ADGRE5: variants seen among roughly 807,000 people sequenced by gnomAD.
The protein encoded by ADGRE5 is CD97 molecule.
Under a neutral mutation model 100.3 loss-of-function variants are expected in ADGRE5, and 72 were observed. The observed-to-expected ratio is 0.72, with a 90% CI of 0.59 to 0.87. ADGRE5 has a LOEUF of 0.87. Among genes scored for constraint, ADGRE5 ranks in the 40% least tolerant of loss-of-function variants. The pLI is 0.00. For synonymous variants in ADGRE5, 439 were observed against 447.8 expected (o/e 0.98, Z 0.25); for missense variants, 959 against 1,094.7 (o/e 0.88, Z 1.75).
At chr19:14,382,842 G>C (rs950682989) in intron 1 of ADGRE5, among the ~76,000 whole-genome samples, 1 of 151,256 alleles carries the variant, frequency 6.6e-6, no homozygotes, top group Non-Finnish European at 1.5e-5. Context: ...CATCCACCCC[G>C]AGTAGCTGGG....
Position 14,407,255 on chromosome 19 carries a change from C to A in ADGRE5, c.2376+26C>A, listed in dbSNP as rs369349812. On this transcript the variant is annotated intron_variant, in intron 18 of 19. Coordinates refer to ENST00000242786, the MANE Select transcript of ADGRE5 (RefSeq NM_078481.4). ...GTGGGGGCCTGGGCACAGTGGCGCA[C>A]GCCTGTCATCCTCCCACCTATTTGG... 39 of 1,612,430 alleles carry A rather than the reference C, an allele frequency of 2.4e-5. No individual in the cohort carries two copies. In the South Asian group the frequency reaches 4.3e-4, roughly 18 times the overall value.
At chr19:14,389,840 G>A (rs148476326) in intron 3 of ADGRE5, among the ~76,000 whole-genome samples, 1,523 of 152,090 alleles carry the variant, frequency 0.01, 29 homozygotes, top group African/African-American at 0.035. Context: ...AGGCCAAGGC[G>A]GGCGGATCAC....
At chr19:14,390,579 C>T (rs576614319) in intron 3 of ADGRE5, among the ~76,000 whole-genome samples, 3 of 152,240 alleles carry the variant, frequency 2.0e-5, no homozygotes, top group East Asian at 3.9e-4. Flanking sequence ...CTGCCTCAGC[C>T]TCCCAAAATG....
chr19:14,386,693 C>CAAA (rs1172800346), intron 1 of ADGRE5, among the ~76,000 whole-genome samples: 3 of 56,534 alleles, frequency 5.3e-5, no homozygotes, highest in African/African-American at 2.1e-4. Context: ...GACTCCGTCT[C>CAAA]AAAAAAAAAA....
chr19:14,406,298 A>T lies in ADGRE5; in HGVS notation c.1822-33A>T. 6.7e-7 allele frequency: 1 copy of T among 1,496,910 alleles called. No homozygotes were observed. The allele number at this position is 1,496,910 out of a possible 1,614,324, so 92.7% of individuals were successfully genotyped here. On this transcript the variant is annotated intron_variant, in intron 14 of 19. Transcript: ENST00000242786. The surrounding 1 kb of genome is among the most constrained non-coding windows in gnomAD (Gnocchi z 6.0). ...GCGCCGCATGCCCCTCCCCGCGCTG[A>T]CGTCGCTCCGCCCCTCCGTCCCCGC...
intron 13 of ADGRE5, 177 bp downstream of exon 13, chr19:14,404,739 C>A: frequency 1.7e-6 from 1 of 585,514 alleles, no homozygotes; most frequent in Non-Finnish European, 2.9e-6. Flanking sequence ...CTCTTCTCTA[C>A]AACCCAGCAA....
Position 14,408,005 on chromosome 19 carries a change from C to G in ADGRE5, c.2474C>G (p.Thr825Ser). The G allele has an allele frequency of 6.2e-7, 1 of 1,614,168 alleles. No homozygotes were observed. Among genetic ancestry groups the G allele is most frequent in the Non-Finnish European group, 8.5e-7 (1 of 1,180,022 alleles). ...ACGTCTGGCACTGGCCACAATCAGA[C>G]CCGGGTAAGGGGCTGCGCCTGGGGC... The part of the protein sequence containing the change: ...STTSGTGHNQ[T>S]RALRASESGI The change falls in exon 19 of 20, where the codon ACC (threonine) becomes AGC (serine). Residue 825 changes from threonine to serine, a missense_variant. Coordinates refer to ENST00000242786, the MANE Select transcript of ADGRE5 (RefSeq NM_078481.4).
intron 6 of ADGRE5, 103 bp downstream of exon 6, chr19:14,397,326 G>A (rs540069379): frequency 1.7e-5 from 26 of 1,560,786 alleles, no homozygotes; most frequent in Middle Eastern, 3.4e-4. Flanking sequence ...GAGGCACCTG[G>A]CTGTGCCAGG....
At position 14,406,508 on chromosome 19, in the gene ADGRE5, G is replaced by A; in HGVS notation, c.1999G>A (p.Val667Met). 1 of 1,567,380 alleles carries A rather than the reference G, an allele frequency of 6.4e-7. No homozygotes were observed. Among genetic ancestry groups the A allele is most frequent in the South Asian group, 1.2e-5 (1 of 86,830 alleles). ...CGGCTATGGCGTGCCCCTGCTCATCGTGGGCGTCTCGGCTGCCATCTACAG... is the reference window on the plus strand; with the variant it reads ...CGGCTATGGCGTGCCCCTGCTCATCATGGGCGTCTCGGCTGCCATCTACAG... Reference protein sequence around the residue: ...LIGYGVPLLIVGVSAAIYSKG... With the variant: ...LIGYGVPLLIMGVSAAIYSKG... The change falls in exon 15 of 20, where the codon GTG (valine) becomes ATG (methionine). Residue 667 changes from valine (V) to methionine (M), a missense_variant. Physicochemically the swap from Val to Met is conservative, Grantham distance 21 (BLOSUM62 1). Coordinates refer to ENST00000242786, the MANE Select transcript of ADGRE5 (RefSeq NM_078481.4). This position sits in a 1 kb window ranked among gnomAD's most constrained non-coding sequence, Gnocchi z 6.0.
intron 1 of ADGRE5, among the ~76,000 whole-genome samples, chr19:14,383,661 A>G (rs9917042): frequency 0.29 from 43,299 of 151,716 alleles, 6,802 homozygotes; most frequent in East Asian, 0.54. Flanking sequence ...GAAACTGACT[A>G]CTTAGGGCTC....
At chr19:14,396,516 G>A in intron 5 of ADGRE5, 43 bp downstream of exon 5, 1 of 1,612,766 alleles carries the variant, frequency 6.2e-7, no homozygotes, top group Non-Finnish European at 8.5e-7. Context: ...ACGGGAGCTG[G>A]GGATGGAGCT....
In ADGRE5 at chr19:14,404,649, A is replaced by G. The variant is rs1310520161; in HGVS notation, c.1629+87A>G. 4 of 1,334,946 alleles carry G rather than the reference A, an allele frequency of 3.0e-6. No individual in the cohort carries two copies. In the African/African-American group the frequency reaches 5.9e-5, roughly 20 times the overall value. 82.7% of individuals were successfully genotyped at this position (1,334,946 alleles called of 1,614,324 possible). A position where few individuals can be genotyped will look rare whatever the true frequency, so the allele number is the denominator to read the frequency against. Reference sequence around the variant, plus strand: ...GGCAGCTAGTTCTCCATGGAGCCCTACTGGTTGCTCAGATATATCTGCATG... The same window carrying G: ...GGCAGCTAGTTCTCCATGGAGCCCTGCTGGTTGCTCAGATATATCTGCATG... On this transcript the variant is annotated intron_variant, in intron 13 of 19. Coordinates refer to ENST00000242786, the MANE Select transcript of ADGRE5 (RefSeq NM_078481.4).
chr19:14,382,050 G>C (rs1483173450), intron 1 of ADGRE5, among the ~76,000 whole-genome samples: 1 of 152,154 alleles, frequency 6.6e-6, no homozygotes, highest in African/African-American at 2.4e-5. Flanking sequence ...CCTGGCTGGG[G>C]CTCAGCTGCG....
At position 14,402,794 on chromosome 19, in the gene ADGRE5, C is replaced by A. The variant is rs770768759; in HGVS notation, c.1381C>A (p.Pro461Thr). The A allele has an allele frequency of 6.2e-7, 1 of 1,614,102 alleles. No homozygotes were observed. The highest frequency in any genetic ancestry group is 1.1e-5 in the South Asian group (1 of 91,074). Residue 461 changes from proline (P) to threonine (T), a missense_variant, in exon 12 of 20, where the codon CCC (proline) becomes ACC (threonine). Physicochemically the swap from Pro to Thr is conservative, Grantham distance 38 (BLOSUM62 -1). This residue lies in a region of ADGRE5 where 246 missense variants were observed against 242.2 expected (regional missense o/e 1.02). Transcript: ENST00000242786. ...CAACAACACCAAGGAACTCAACTCC[C>A]CCATCCTTTTCGCCTTCTCCCACCT... ...SHNNTKELNS[P>T]ILFAFSHLES...
At chr19:14,395,680 A>G (rs773508263) in intron 4 of ADGRE5, among the ~76,000 whole-genome samples, 4 of 152,192 alleles carry the variant, frequency 2.6e-5, no homozygotes, top group Non-Finnish European at 5.9e-5. Context: ...ATCAGAAAAA[A>G]GCATCTTTGT....
Position 14,407,186 on chromosome 19 carries a change from A to C in ADGRE5, c.2333A>C (p.Gln778Pro), listed in dbSNP as rs769883900. Residue 778 changes from glutamine to proline, a missense_variant, in exon 18 of 20, where the codon CAG becomes CCG. This residue lies in a region of ADGRE5 where 428 missense variants were observed against 386.2 expected (regional missense o/e 1.11). Transcript: ENST00000242786. ...GTGTTTACCATCCTCAACTGCCTGC[A>C]GGGCGCCTTCCTCTACCTGCTGCAC... is the stretch of plus-strand genomic sequence containing the variant. ...TYVFTILNCL[Q>P]GAFLYLLHCL... 2 of 1,613,974 alleles carry C rather than the reference A, an allele frequency of 1.2e-6. No homozygotes were observed. Among genetic ancestry groups the C allele is most frequent in the South Asian group, 1.1e-5 (1 of 91,082 alleles).
intron 4 of ADGRE5, among the ~76,000 whole-genome samples, chr19:14,395,280 A>C (rs1047029234): frequency 7.3e-5 from 11 of 149,792 alleles, no homozygotes; most frequent in African/African-American, 2.7e-4. Context: ...CAGCCTGGGC[A>C]ACAGAGAGAG....
intron 9 of ADGRE5, among the ~76,000 whole-genome samples, chr19:14,400,680 T>G (rs1975973172): frequency 6.6e-6 from 1 of 151,814 alleles, no homozygotes; most frequent in Admixed American, 6.6e-5. Context: ...TAGTCCTAGC[T>G]ACTAGGGAGG....
intron 11 of ADGRE5, among the ~76,000 whole-genome samples, 162 bp from the exon 12 acceptor site, chr19:14,402,434 CA>C (rs375867062): frequency 6.1e-4 from 78 of 127,898 alleles, no homozygotes; most frequent in Admixed American, 8.7e-4. Flanking sequence ...AACTCCGTCT[CA>C]AAAAAAAAAA....
Sources: gnomAD v4.1 joint callset for allele counts (sites outside exome capture counted in the v4.1 genomes callset) on GRCh38, gnomAD v4.1.1 for gene constraint, gnomAD v4.1.1 regional missense constraint, Gnocchi (gnomAD v3.1) non-coding constraint, MANE v1.5 for transcripts, NCBI Gene and HGNC (gene_info 2026-07-23, HGNC 2026-07-21) for gene names.